The following BLTP3A variants were observed in gnomAD, a reference collection of about 807,000 sequenced individuals.
BLTP3A encodes the protein bridge-like lipid transfer protein family member 3A.
At chr6:34,876,288 C>T in the BLTP3A span, 1 of 152,204 alleles carries the variant, frequency 6.6e-6, no homozygotes, top group African/African-American at 2.4e-5. Context: ...TTTATGTGTG[C>T]TTTTTATGGC....
the BLTP3A span, among the ~76,000 whole-genome samples, chr6:34,847,548 T>C: frequency 2.0e-5 from 3 of 152,050 alleles, no homozygotes; most frequent in Non-Finnish European, 4.4e-5. Context: ...TGTATATAGC[T>C]AAGCATTTAT....
the BLTP3A span, chr6:34,792,411 T>G: frequency 9.4e-7 from 1 of 1,068,066 alleles, no homozygotes; most frequent in East Asian, 3.2e-5. Flanking sequence ...GAGCCCGGAC[T>G]CCGTGGCAGC....
chr6:34,855,657 T>A, the BLTP3A span: 1 of 1,613,942 alleles, frequency 6.2e-7, no homozygotes. Flanking sequence ...CCATGCAGCT[T>A]ACCTTCCGCA....
At chr6:34,862,388 T>A in the BLTP3A span, among the ~76,000 whole-genome samples, 4,728 of 149,432 alleles carry the variant, frequency 0.032, 199 homozygotes, top group African/African-American at 0.098. Context: ...AAAAAAAAAA[T>A]AATAATAAAA....
the BLTP3A span, among the ~76,000 whole-genome samples, chr6:34,843,207 C>T: frequency 6.6e-6 from 1 of 152,116 alleles, no homozygotes; most frequent in Non-Finnish European, 1.5e-5. Context: ...TGGTCTTGAA[C>T]TCCTGAGCTC....
the BLTP3A span, among the ~76,000 whole-genome samples, chr6:34,819,512 A>G: frequency 1.3e-5 from 2 of 152,248 alleles, no homozygotes; most frequent in East Asian, 3.9e-4. Context: ...GATTAGGAAG[A>G]ATGGCCAAGA....
the BLTP3A span, among the ~76,000 whole-genome samples, chr6:34,803,447 A>G: frequency 6.6e-6 from 1 of 151,752 alleles, no homozygotes; most frequent in East Asian, 1.9e-4. Flanking sequence ...TGTACCCCCA[A>G]CCTGCTCAGG....
chr6:34,806,484 G>A, the BLTP3A span, among the ~76,000 whole-genome samples: 1 of 152,180 alleles, frequency 6.6e-6, no homozygotes, highest in Admixed American at 6.5e-5. Context: ...ATTTTGCACA[G>A]TCTTTGCCTC....
chr6:34,867,588 C>G, the BLTP3A span: 3 of 1,613,250 alleles, frequency 1.9e-6, no homozygotes, highest in African/African-American at 4.0e-5. Flanking sequence ...CCGTGGGACT[C>G]TGGCAGTTCC....
At chr6:34,798,081 C>T in the BLTP3A span, among the ~76,000 whole-genome samples, 1 of 152,186 alleles carries the variant, frequency 6.6e-6, no homozygotes, top group Non-Finnish European at 1.5e-5. Context: ...TCATTATCTC[C>T]ACCAAAGGGT....
chr6:34,856,591 A>G, the BLTP3A span, among the ~76,000 whole-genome samples: 1 of 152,198 alleles, frequency 6.6e-6, no homozygotes, highest in South Asian at 2.1e-4. Flanking sequence ...TGTTGATGTC[A>G]TGTCATCATT....
the BLTP3A span, among the ~76,000 whole-genome samples, chr6:34,851,805 A>G: frequency 6.6e-6 from 1 of 151,388 alleles, no homozygotes; most frequent in Non-Finnish European, 1.5e-5. Flanking sequence ...GCTCTATTCT[A>G]CTATGGCTGA....
chr6:34,865,493 G>A, the BLTP3A span, among the ~76,000 whole-genome samples: 2 of 152,144 alleles, frequency 1.3e-5, no homozygotes, highest in African/African-American at 2.4e-5. Flanking sequence ...GAATAATGTT[G>A]TAGTAAACAC....
chr6:34,874,952 G>A, the BLTP3A span: 1 of 152,458 alleles, frequency 6.6e-6, no homozygotes, highest in African/African-American at 2.4e-5. Flanking sequence ...TTAAAATATA[G>A]ACTCTATCCT....
chr6:34,836,193 C>T, the BLTP3A span: 1 of 1,614,054 alleles, frequency 6.2e-7, no homozygotes, highest in Non-Finnish European at 8.5e-7. Context: ...CAGTCCTGGG[C>T]CCAGGCATTT....
At chr6:34,857,184 A>C in the BLTP3A span, 1 of 1,093,874 alleles carries the variant, frequency 9.1e-7, no homozygotes. Flanking sequence ...GGCAGGTGTG[A>C]GAACACCTGG....
chr6:34,818,043 A>T, the BLTP3A span, among the ~76,000 whole-genome samples: 268 of 151,788 alleles, frequency 1.8e-3, 1 homozygote, highest in African/African-American at 6.1e-3. Flanking sequence ...TATTTTTAGT[A>T]GAGACGGGGT....
the BLTP3A span, among the ~76,000 whole-genome samples, chr6:34,806,671 C>A: frequency 0.15 from 22,170 of 152,090 alleles, 1,968 homozygotes; most frequent in African/African-American, 0.25. Flanking sequence ...CTATTCTCCC[C>A]CCCTCCCCAA....
chr6:34,848,848 G>A, the BLTP3A span, among the ~76,000 whole-genome samples: 1 of 150,714 alleles, frequency 6.6e-6, no homozygotes, highest in Non-Finnish European at 1.5e-5. Flanking sequence ...ACTTGTTCCT[G>A]TCATTTAATT....
Sources: allele counts gnomAD v4.1 joint callset (sites outside exome capture counted in the v4.1 genomes callset), GRCh38; gene constraint gnomAD v4.1.1; transcripts MANE v1.5; gene names NCBI Gene and HGNC (gene_info 2026-07-23, HGNC 2026-07-21).